PLXNA4: variants seen among roughly 807,000 people sequenced by gnomAD.
PLXNA4 encodes plexin A4, also known as plexin-A4.
In PLXNA4, 44 loss-of-function variants were observed where a neutral mutation model predicts 191.8. The ratio of observed to expected loss-of-function variants is 0.23; its 90% confidence interval spans 0.18 to 0.29. The LOEUF (loss-of-function observed/expected upper bound fraction) is 0.29. Among genes scored for constraint, PLXNA4 ranks in the 10% least tolerant of loss-of-function variants. The pLI is 1.00. For missense variants in PLXNA4, 1,800 were observed against 2,488.8 expected (o/e 0.72, Z 5.89); for synonymous variants, 1,082 against 1,009.5 (o/e 1.07, Z -1.36).
chr7:132,566,086 G>T lies in PLXNA4; in HGVS notation c.-87+10336C>A, dbSNP rs549215786. On this transcript the variant is annotated intron_variant, in intron 1 of 31. Coordinates refer to ENST00000321063, the MANE Select transcript of PLXNA4 (RefSeq NM_020911.2). ...ATGCTGATAGAATCACCAGTGCAAT[G>T]CTTTATGAATGGGCGTCAGGGGAAT... Among the ~76,000 whole-genome samples, 61 of 152,312 alleles carry T rather than the reference G, an allele frequency of 4.0e-4. 1 individual carries two copies. The South Asian group carries it at 0.012, about 30-fold the overall frequency.
At chr7:132,232,544 T>C (rs1374798237) in intron 5 of PLXNA4, among the ~76,000 whole-genome samples, 1 of 152,110 alleles carries the variant, frequency 6.6e-6, no homozygotes, top group African/African-American at 2.4e-5. Context: ...CTGCATTTCA[T>C]CTTCTCCAGC....
chr7:132,248,024 GT>G (rs1416799382), intron 4 of PLXNA4, among the ~76,000 whole-genome samples: 22 of 152,224 alleles, frequency 1.4e-4, no homozygotes, highest in Non-Finnish European at 2.9e-4. Context: ...GAATAGACAA[GT>G]GGTGTGTACT....
rs1241914709 is a variant in PLXNA4 at position 132,128,782 on chromosome 7, T to G, written c.*1697A>C. ...GTGACAAGGAATGATGTCTGATGTT[T>G]GGGGAGTGAAGGCAAGACTGTGAAT... On this transcript the variant is annotated 3_prime_UTR_variant, in exon 32 of 32. Transcript: ENST00000321063. 1 of 152,218 alleles carries G rather than the reference T, an allele frequency of 6.6e-6. No homozygotes were observed. The highest frequency in any genetic ancestry group is 2.4e-5 in the African/African-American group (1 of 41,442). The allele number at this position is 152,218 out of a possible 1,614,324, so 9.4% of individuals were successfully genotyped here. A position where few individuals can be genotyped will look rare whatever the true frequency, so the allele number is the denominator to read the frequency against.
chr7:132,509,780 T>G (rs949856869), intron 1 of PLXNA4, among the ~76,000 whole-genome samples: 6 of 152,114 alleles, frequency 3.9e-5, no homozygotes, highest in African/African-American at 1.4e-4. Flanking sequence ...GGAGAAACTT[T>G]CCTCTGTGCC....
chr7:132,227,733 T>A, intron 6 of PLXNA4, 129 bp from the exon 7 acceptor site: 3 of 1,214,404 alleles, frequency 2.5e-6, no homozygotes, highest in African/African-American at 1.5e-5. Flanking sequence ...AGAGGCAATA[T>A]TAACATGGAG....
At chr7:132,468,188 T>C (rs563947705) in intron 3 of PLXNA4, among the ~76,000 whole-genome samples, 90 of 152,244 alleles carry the variant, frequency 5.9e-4, no homozygotes, top group African/African-American at 2.0e-3. Flanking sequence ...ACAACAGAGA[T>C]AGACAAATCG....
chr7:132,269,697 A>C (rs1358694963), intron 4 of PLXNA4, among the ~76,000 whole-genome samples: 1 of 152,178 alleles, frequency 6.6e-6, no homozygotes, highest in Non-Finnish European at 1.5e-5. Context: ...TGCCCTTCCA[A>C]AAACATATCC....
intron 3 of PLXNA4, among the ~76,000 whole-genome samples, chr7:132,353,532 C>A (rs976153491): frequency 2.6e-5 from 4 of 152,066 alleles, no homozygotes; most frequent in Non-Finnish European, 5.9e-5. Context: ...TAGGAAGTTT[C>A]TCCTCCTAAT....
At chr7:132,469,552 G>T (rs1796852250) in intron 3 of PLXNA4, among the ~76,000 whole-genome samples, 1 of 152,200 alleles carries the variant, frequency 6.6e-6, no homozygotes, top group South Asian at 2.1e-4. Flanking sequence ...TCAATAATTT[G>T]ATTGTGGAGT....
chr7:132,500,365 C>T (rs1349879596), intron 2 of PLXNA4, among the ~76,000 whole-genome samples: 2 of 152,022 alleles, frequency 1.3e-5, no homozygotes, highest in African/African-American at 2.4e-5. Flanking sequence ...ATCGCTTGAA[C>T]CCGGGAAGCA....
chr7:132,369,961 G>A (rs545267514), intron 3 of PLXNA4, among the ~76,000 whole-genome samples: 2 of 151,694 alleles, frequency 1.3e-5, no homozygotes, highest in African/African-American at 4.8e-5. Flanking sequence ...CCAGCTACTC[G>A]GGAGGCTGAG....
intron 1 of PLXNA4, among the ~76,000 whole-genome samples, chr7:132,543,827 G>T (rs1800180980): frequency 6.6e-6 from 1 of 152,190 alleles, no homozygotes; most frequent in Admixed American, 6.5e-5. Context: ...TGATTAGAGG[G>T]GCATGAGACC....
intron 3 of PLXNA4, among the ~76,000 whole-genome samples, chr7:132,415,341 T>G (rs747433926): frequency 6.6e-6 from 1 of 152,196 alleles, no homozygotes; most frequent in Non-Finnish European, 1.5e-5. Flanking sequence ...ATAAGACGTG[T>G]GTGTGTGCAC....
rs372340261 is a variant in PLXNA4, at chr7:132,334,256, T to C, written c.1372-36034A>G. 5.8e-3 allele frequency among the ~76,000 whole-genome samples: 544 copies of C among 93,218 alleles called. 1 individual carries two copies. Among genetic ancestry groups the C allele is most frequent in the Middle Eastern group, 0.012 (2 of 172 alleles). The allele number at this position is 93,218 out of a possible 152,430, so 61.2% of individuals were successfully genotyped here. On this transcript the variant is annotated intron_variant, in intron 3 of 31. Transcript: ENST00000321063. The stretch of plus-strand genomic sequence containing the variant: ...TTTTCTTTTCTTTCTTTCTTTCTTT[T>C]TTTTTTTTTTTTTTTTTTTGAGATA...
chr7:132,542,169 T>A (rs574545925), intron 1 of PLXNA4, among the ~76,000 whole-genome samples: 1 of 152,282 alleles, frequency 6.6e-6, no homozygotes, highest in South Asian at 2.1e-4. Flanking sequence ...ACATGACTGG[T>A]GCCCAGGACA....
chr7:132,489,572 A>T, intron 2 of PLXNA4, 98 bp from the exon 3 acceptor site: 2 of 1,061,778 alleles, frequency 1.9e-6, no homozygotes, highest in South Asian at 2.1e-5. Flanking sequence ...ATCCTTAGAG[A>T]TGAAACATCT....
At chr7:132,387,110 C>T (rs1220966464) in intron 3 of PLXNA4, among the ~76,000 whole-genome samples, 1 of 152,230 alleles carries the variant, frequency 6.6e-6, no homozygotes, top group East Asian at 1.9e-4. Flanking sequence ...AGGCCACTAA[C>T]AACTCGTTCA....
intron 1 of PLXNA4, among the ~76,000 whole-genome samples, chr7:132,560,190 ACT>A (rs1189110700): frequency 6.6e-6 from 1 of 152,108 alleles, no homozygotes; most frequent in Non-Finnish European, 1.5e-5. Context: ...CCTAGACCAC[ACT>A]GTTTTGAGCA....
intron 4 of PLXNA4, among the ~76,000 whole-genome samples, chr7:132,251,384 G>A (rs1175718687): frequency 6.6e-6 from 1 of 152,128 alleles, no homozygotes; most frequent in Non-Finnish European, 1.5e-5. Flanking sequence ...TGCTCAATGG[G>A]AGCCTTTGTT....
Sources: allele counts gnomAD v4.1 joint callset (sites outside exome capture counted in the v4.1 genomes callset), GRCh38; gene constraint gnomAD v4.1.1; transcripts MANE v1.5; gene names NCBI Gene and HGNC (gene_info 2026-07-23, HGNC 2026-07-21).